CACNA1E: variants seen among roughly 807,000 people sequenced by gnomAD.
CACNA1E encodes calcium voltage-gated channel subunit alpha1 E.
CACNA1E carries 40 observed loss-of-function variants against 259.2 expected under a neutral mutation model. The observed-to-expected ratio is 0.15, with a 90% CI of 0.12 to 0.20. The LOEUF is 0.20. Ranked by LOEUF, CACNA1E falls within the 10% of genes least tolerant of loss-of-function variation. CACNA1E has a pLI of 1.00. For missense variants in CACNA1E, 1,874 were observed against 3,040.1 expected (o/e 0.62, Z 9.02); for synonymous variants, 1,104 against 1,138.5 (o/e 0.97, Z 0.61).
chr1:181,481,372 T>A (rs544703266), upstream of CACNA1E, among the ~76,000 whole-genome samples: 1,041 of 124,470 alleles, frequency 8.4e-3, 10 homozygotes, highest in African/African-American at 0.026. Flanking sequence ...ACACACACAC[T>A]CTCACATACA....
intron 2 of CACNA1E, among the ~76,000 whole-genome samples, chr1:181,442,136 G>T (rs1317779591): frequency 6.6e-6 from 1 of 151,838 alleles, no homozygotes; most frequent in Non-Finnish European, 1.5e-5. Context: ...GGAGGATTGG[G>T]TTTAGGGAGG....
Position 181,753,198 on chromosome 1 carries a change from A to C in CACNA1E, c.3828+959A>C, listed in dbSNP as rs570397623. Among the ~76,000 whole-genome samples the C allele has an allele frequency of 3.9e-5, 6 of 152,338 alleles. No homozygotes were observed. The South Asian group carries it at 1.2e-3, about 32-fold the overall frequency. On this transcript the variant is annotated intron_variant, in intron 27 of 47. Coordinates refer to ENST00000367573, the MANE Select transcript of CACNA1E (RefSeq NM_001205293.3). Reference sequence around the variant, plus strand: ...GCAGACTCAATTCCCTAACTTCAGCATCACATGGAATCATGCAGTGCTTCT... The same window carrying C: ...GCAGACTCAATTCCCTAACTTCAGCCTCACATGGAATCATGCAGTGCTTCT...
intron 6 of CACNA1E, among the ~76,000 whole-genome samples, chr1:181,623,781 C>A (rs1655941652): frequency 6.6e-6 from 1 of 152,200 alleles, no homozygotes; most frequent in Non-Finnish European, 1.5e-5. Flanking sequence ...TCTGAGCCTT[C>A]AGAAAGTCTT....
At chr1:181,338,503 A>AT (rs71121088) in intron 1 of CACNA1E, among the ~76,000 whole-genome samples, 141 of 141,486 alleles carry the variant, frequency 1.0e-3, no homozygotes, top group East Asian at 4.3e-3. Context: ...TCATTTACCC[A>AT]TTTTTTTTTT....
At chr1:181,681,208 C>T (rs116778255) in intron 7 of CACNA1E, among the ~76,000 whole-genome samples, 45 of 152,232 alleles carry the variant, frequency 3.0e-4, no homozygotes, top group Admixed American at 4.6e-4. Flanking sequence ...TACCACTGCT[C>T]TAAGCCTTCT....
rs770900818 is a variant in CACNA1E, at chr1:181,601,573, C to G, written c.951+20797C>G. On this transcript the variant is annotated intron_variant, in intron 6 of 47. Coordinates refer to ENST00000367573, the MANE Select transcript of CACNA1E (RefSeq NM_001205293.3). Reference sequence around the variant, plus strand: ...CAGTCTTCCCATTTTGTCTTACACCCCACATTTAACTCATCAGTAGCTCCT... The same window carrying G: ...CAGTCTTCCCATTTTGTCTTACACCGCACATTTAACTCATCAGTAGCTCCT... Among the ~76,000 whole-genome samples the G allele has an allele frequency of 6.4e-4, 97 of 152,298 alleles. 4 individuals are homozygous for G. Among genetic ancestry groups the G allele is most frequent in the Non-Finnish European group, 1.2e-4 (8 of 68,020 alleles).
At chr1:181,433,630 ATGTGCT>A (rs1659866236) in intron 2 of CACNA1E, among the ~76,000 whole-genome samples, 2 of 152,312 alleles carry the variant, frequency 1.3e-5, no homozygotes, top group African/African-American at 4.8e-5. Flanking sequence ...TAATGTTTTG[ATGTGCT>A]TATCTTTGGT....
At chr1:181,398,235 C>T (rs978775439) in intron 1 of CACNA1E, among the ~76,000 whole-genome samples, 1 of 152,180 alleles carries the variant, frequency 6.6e-6, no homozygotes, top group African/African-American at 2.4e-5. Context: ...AGAGTCTTGA[C>T]GTGCAAGGAC....
At chr1:181,355,318 T>C (rs1653340134) in intron 1 of CACNA1E, among the ~76,000 whole-genome samples, 1 of 152,202 alleles carries the variant, frequency 6.6e-6, no homozygotes, top group South Asian at 2.1e-4. Context: ...CCGGGCATGG[T>C]GGCTCATGTC....
intron 1 of CACNA1E, among the ~76,000 whole-genome samples, chr1:181,504,607 G>A (rs1446129648): frequency 6.6e-6 from 1 of 152,180 alleles, no homozygotes; most frequent in African/African-American, 2.4e-5. Context: ...TCAGGCTCAG[G>A]CAGATGAAGA....
At chr1:181,571,103 G>A (rs965642100) in intron 3 of CACNA1E, among the ~76,000 whole-genome samples, 1 of 151,890 alleles carries the variant, frequency 6.6e-6, no homozygotes, top group Non-Finnish European at 1.5e-5. Flanking sequence ...GCTATGTGCA[G>A]AACTTTACAA....
At chr1:181,796,980 C>A in intron 47 of CACNA1E, 122 bp downstream of exon 47, 1 of 668,574 alleles carries the variant, frequency 1.5e-6, no homozygotes, top group Non-Finnish European at 2.5e-6. Context: ...TGGAATTTCA[C>A]AGGAAGCTAT....
chr1:181,664,751 C>T (rs1052031606), intron 7 of CACNA1E, among the ~76,000 whole-genome samples: 1 of 151,248 alleles, frequency 6.6e-6, no homozygotes, highest in African/African-American at 2.4e-5. Context: ...AGAGGTATGG[C>T]GGGGGTGGAG....
chr1:181,797,605 G>A (rs1461505727), intron 47 of CACNA1E, among the ~76,000 whole-genome samples: 2 of 152,182 alleles, frequency 1.3e-5, no homozygotes, highest in South Asian at 2.1e-4. Context: ...GGTGCCTGAA[G>A]GACCCAGGAG....
At chr1:181,329,216 C>T (rs992427021) in intron 1 of CACNA1E, among the ~76,000 whole-genome samples, 2 of 152,104 alleles carry the variant, frequency 1.3e-5, no homozygotes, top group Non-Finnish European at 2.9e-5. Flanking sequence ...ACCTTGTCTT[C>T]TTCTCTCCAG....
rs534009913 is a variant in CACNA1E at position 181,453,183 on chromosome 1, A to C, written c.435-30561A>C. Among the ~76,000 whole-genome samples, 110 of 152,350 alleles carry C rather than the reference A, an allele frequency of 7.2e-4. 1 individual carries two copies. Among genetic ancestry groups the C allele is most frequent in the African/African-American group, 1.9e-3 (81 of 41,582 alleles). On this transcript the variant is annotated intron_variant, in intron 2 of 11. Coordinates refer to the CACNA1E transcript ENST00000524607. ...TTTTTAAAGGCTACAGTTTGCCTGG[A>C]TGTATCCAGTAGGCATGAGTTAGAG...
Position 181,798,593 on chromosome 1 carries a change from C to A in CACNA1E, c.6701C>A (p.Ala2234Asp). The A allele has an allele frequency of 6.2e-7, 1 of 1,613,396 alleles. No individual in the cohort carries two copies. Among genetic ancestry groups the A allele is most frequent in the Non-Finnish European group, 8.5e-7 (1 of 1,179,868 alleles). Residue 2234 changes from alanine to aspartate, a missense_variant, in exon 48 of 48, where the codon GCC becomes GAC. Ala to Asp is a moderately radical substitution (Grantham distance 126, BLOSUM62 -2). Around this residue, in one of 14 missense-constraint regions of CACNA1E, gnomAD observed 542 missense variants for 587.2 expected, o/e 0.92. Transcript: ENST00000367573. The surrounding 1 kb of genome is among the most constrained non-coding windows in gnomAD (Gnocchi z 4.2). ...PQRYISEPYL[A>D]LHEDSHASDC... The stretch of plus-strand genomic sequence containing the variant: ...CGCTACATCTCCGAGCCCTACTTGG[C>A]CCTGCACGAAGACTCCCACGCCTCA...
chr1:181,432,459 A>T (rs1489911064), intron 2 of CACNA1E, among the ~76,000 whole-genome samples: 1 of 152,148 alleles, frequency 6.6e-6, no homozygotes, highest in East Asian at 1.9e-4. Flanking sequence ...AATAAATAAA[A>T]TAAAATAACA....
chr1:181,397,918 T>G (rs552693801), intron 1 of CACNA1E, among the ~76,000 whole-genome samples: 8 of 152,378 alleles, frequency 5.3e-5, no homozygotes, highest in Middle Eastern at 3.4e-3. Context: ...CTAGCAACTG[T>G]GCCAGAGCTG....
Sources: allele counts gnomAD v4.1 joint callset (sites outside exome capture counted in the v4.1 genomes callset), GRCh38; gene constraint gnomAD v4.1.1; regional missense constraint gnomAD v4.1.1; non-coding constraint Gnocchi (gnomAD v3.1); transcripts MANE v1.5; gene names NCBI Gene and HGNC (gene_info 2026-07-23, HGNC 2026-07-21).